Variants in ATRN observed in about 807,000 individuals in gnomAD.
ATRN encodes attractin, also known as attractin-2.
Under a neutral mutation model 178.7 loss-of-function variants are expected in ATRN, and 54 were observed. That is an observed-to-expected ratio of 0.30 (90% CI 0.24 to 0.38). The LOEUF (loss-of-function observed/expected upper bound fraction) is 0.38. Ranked by LOEUF, ATRN falls within the 10% of genes least tolerant of loss-of-function variation. The pLI is 1.00. For synonymous variants in ATRN, 636 were observed against 663.0 expected (o/e 0.96, Z 0.63); for missense variants, 1,443 against 1,815.1 (o/e 0.79, Z 3.73).
intron 1 of ATRN, among the ~76,000 whole-genome samples, chr20:3,530,809 G>A (rs1039056631): frequency 2.6e-5 from 4 of 151,982 alleles, no homozygotes; most frequent in Admixed American, 1.3e-4. Context: ...GATTTTATAG[G>A]CTGCGTTGTC....
chr20:3,529,854 CACTAA>C (rs1324670771), intron 1 of ATRN, among the ~76,000 whole-genome samples: 8 of 152,116 alleles, frequency 5.3e-5, no homozygotes, highest in African/African-American at 1.9e-4. Flanking sequence ...GTATAGCAGT[CACTAA>C]ACTAAATGCA....
intron 2 of ATRN, among the ~76,000 whole-genome samples, chr20:3,539,844 AAAATC>A (rs753851464): frequency 2.0e-5 from 3 of 152,168 alleles, no homozygotes; most frequent in Non-Finnish European, 4.4e-5. Flanking sequence ...AGTGTCCTGA[AAAATC>A]AGAGGGGCTG....
In ATRN at chr20:3,572,880, A is replaced by C; in HGVS notation, c.2021A>C (p.Gln674Pro). The part of the protein sequence containing the change: ...IRCVWNTGSS[Q>P]CISWALATDE... ...TGTGTGTGGAACACAGGGTCGTCTCAGTGTATCTCGTGGGCGCTGGCAACT... is the reference window on the plus strand; with the variant it reads ...TGTGTGTGGAACACAGGGTCGTCTCCGTGTATCTCGTGGGCGCTGGCAACT... Residue 674 changes from glutamine to proline, a missense_variant, in exon 12 of 29, where the codon CAG (glutamine) becomes CCG (proline). Gln to Pro is a moderately conservative substitution (Grantham distance 76). Coordinates refer to ENST00000262919, the MANE Select transcript of ATRN (RefSeq NM_139321.3). The C allele has an allele frequency of 6.2e-7, 1 of 1,613,822 alleles. No homozygotes were observed. The highest frequency in any genetic ancestry group is 8.5e-7 in the Non-Finnish European group (1 of 1,179,958).
chr20:3,524,762 C>T (rs146425172), intron 1 of ATRN, among the ~76,000 whole-genome samples: 6,065 of 152,200 alleles, frequency 0.04, 160 homozygotes, highest in Non-Finnish European at 0.057. Flanking sequence ...AAACTCAGAA[C>T]TGCACAACTA....
intron 11 of ATRN, 102 bp downstream of exon 11, chr20:3,565,534 G>A (rs758316561): frequency 1.0e-4 from 95 of 913,648 alleles, no homozygotes; most frequent in Non-Finnish European, 1.6e-4. Flanking sequence ...TTGGGAGGCC[G>A]AGGCGGGTGG....
chr20:3,591,818 G>T (rs2086448422), intron 19 of ATRN, among the ~76,000 whole-genome samples: 1 of 152,166 alleles, frequency 6.6e-6, no homozygotes, highest in South Asian at 2.1e-4. Flanking sequence ...CCATCAGGAG[G>T]CCTTGGTGCC....
At chr20:3,515,502 A>G (rs2085195228) in intron 1 of ATRN, among the ~76,000 whole-genome samples, 1 of 152,200 alleles carries the variant, frequency 6.6e-6, no homozygotes, top group Non-Finnish European at 1.5e-5. Context: ...GGTTTTAAGA[A>G]GAGAGTTACT....
intron 2 of ATRN, among the ~76,000 whole-genome samples, chr20:3,539,317 T>C (rs1568715944): frequency 6.6e-6 from 1 of 152,152 alleles, no homozygotes; most frequent in Non-Finnish European, 1.5e-5. Flanking sequence ...TTTACCTTTT[T>C]AGGAGGAGAA....
At chr20:3,528,888 T>G (rs1480642880) in intron 1 of ATRN, among the ~76,000 whole-genome samples, 1 of 152,092 alleles carries the variant, frequency 6.6e-6, no homozygotes, top group African/African-American at 2.4e-5. Context: ...TCTTGGCTCA[T>G]GGCAACCTCT....
At chr20:3,562,891 A>C (rs1381070359) in intron 9 of ATRN, among the ~76,000 whole-genome samples, 1 of 152,120 alleles carries the variant, frequency 6.6e-6, no homozygotes, top group Non-Finnish European at 1.5e-5. Context: ...GTTTCTTTCT[A>C]GTTTTTATGT....
At chr20:3,558,537 T>C (rs2085908985) in intron 6 of ATRN, among the ~76,000 whole-genome samples, 1 of 63,478 alleles carries the variant, frequency 1.6e-5, no homozygotes, top group African/African-American at 5.0e-5. Flanking sequence ...ATCATTTCTT[T>C]TTGTTTTTTT....
chr20:3,553,934 C>T (rs1046419692), intron 6 of ATRN, among the ~76,000 whole-genome samples: 8 of 152,190 alleles, frequency 5.3e-5, no homozygotes, highest in African/African-American at 1.9e-4. Context: ...TGTACTTGCT[C>T]TTTGTCTGCC....
intron 6 of ATRN, among the ~76,000 whole-genome samples, chr20:3,557,524 A>G (rs995173119): frequency 1.2e-4 from 18 of 152,206 alleles, no homozygotes; most frequent in Non-Finnish European, 2.4e-4. Context: ...GAGTACTATG[A>G]GCTCTACTTA....
chr20:3,527,543 C>T (rs2085384478), intron 1 of ATRN, among the ~76,000 whole-genome samples: 1 of 152,156 alleles, frequency 6.6e-6, no homozygotes, highest in African/African-American at 2.4e-5. Flanking sequence ...ACCAGAAATA[C>T]CATTTGACCC....
At chr20:3,631,968 A>AT (rs767689689) in intron 25 of ATRN, among the ~76,000 whole-genome samples, 1 of 152,142 alleles carries the variant, frequency 6.6e-6, no homozygotes, top group Non-Finnish European at 1.5e-5. Context: ...GCCCCAGGAC[A>AT]TTCTCATCTA....
intron 1 of ATRN, among the ~76,000 whole-genome samples, chr20:3,512,362 G>T (rs893646908): frequency 2.7e-5 from 4 of 150,176 alleles, no homozygotes; most frequent in Non-Finnish European, 5.9e-5. Context: ...GCTGTGTTTG[G>T]TTTTTTGTCC....
intron 23 of ATRN, among the ~76,000 whole-genome samples, chr20:3,603,550 C>T (rs1038997631): frequency 2.6e-5 from 4 of 150,988 alleles, no homozygotes; most frequent in South Asian, 2.1e-4. Flanking sequence ...AGTGCAATGG[C>T]GCAATCTTGG....
chr20:3,569,817 TC>T (rs969476688), intron 11 of ATRN, among the ~76,000 whole-genome samples: 13 of 152,334 alleles, frequency 8.5e-5, no homozygotes, highest in African/African-American at 2.6e-4. Flanking sequence ...ACGCCTGTAA[TC>T]CCAGCGCTTT....
At chr20:3,527,750 A>G (rs1469845287) in intron 1 of ATRN, among the ~76,000 whole-genome samples, 5 of 152,130 alleles carry the variant, frequency 3.3e-5, no homozygotes, top group African/African-American at 1.2e-4. Flanking sequence ...CATAGAAACA[A>G]ATGAGTTCAT....
Sources: gnomAD v4.1 joint callset for allele counts (sites outside exome capture counted in the v4.1 genomes callset) on GRCh38, gnomAD v4.1.1 for gene constraint, MANE v1.5 for transcripts, NCBI Gene and HGNC (gene_info 2026-07-23, HGNC 2026-07-21) for gene names.